USP9X: variants seen among roughly 807,000 people sequenced by gnomAD.
USP9X encodes ubiquitin specific peptidase 9 X-linked.
USP9X carries 7 observed loss-of-function variants against 190.3 expected under a neutral mutation model. That is an observed-to-expected ratio of 0.04 (90% confidence interval 0.02 to 0.07). USP9X has a LOEUF of 0.07. Among genes scored for constraint, USP9X ranks in the 10% least tolerant of loss-of-function variants. The pLI is 1.00. For missense variants in USP9X, 1,010 were observed against 1,916.9 expected (o/e 0.53, Z 8.83); for synonymous variants, 645 against 659.5 (o/e 0.98, Z 0.34).
rs185481234 is a variant in USP9X at position 41,092,933 on chromosome X, C to T, written c.-159+6824C>T. ...TGTCACTCAGGCTGGATTGTGGTGA[C>T]GCAATCATAGCTCATTGTAGCCTGG... On this transcript the variant is annotated intron_variant, in intron 1 of 44. Coordinates refer to ENST00000378308, the MANE Select transcript of USP9X (RefSeq NM_001039591.3). Among the ~76,000 whole-genome samples the T allele has an allele frequency of 4.3e-4, 48 of 110,594 alleles. No individual in the cohort carries two copies. The East Asian group carries it at 7.4e-3, about 17-fold the overall frequency.
intron 14 of USP9X, among the ~76,000 whole-genome samples, chrX:41,160,935 C>T (rs1036711454): frequency 5.4e-5 from 6 of 111,001 alleles, no homozygotes; most frequent in Non-Finnish European, 9.4e-5. Context: ...AGTGCTCCTC[C>T]GAGGGGGTGG....
chrX:41,221,536 A>G (rs1366045613), intron 38 of USP9X, among the ~76,000 whole-genome samples: 4 of 111,608 alleles, frequency 3.6e-5, no homozygotes, highest in Non-Finnish European at 7.5e-5. Flanking sequence ...TGAGCTTTCC[A>G]TCTAGAGTGT....
intron 41 of USP9X, 65 bp downstream of exon 41, chrX:41,225,202 G>T (rs770270838): frequency 2.5e-5 from 26 of 1,024,867 alleles, no homozygotes; most frequent in Non-Finnish European, 3.5e-5. Context: ...AACTGAAATT[G>T]ACAGTCACCA....
intron 14 of USP9X, 33 bp from the exon 15 acceptor site, chrX:41,162,757 G>A (rs762263252): frequency 8.8e-7 from 1 of 1,137,162 alleles, no homozygotes; most frequent in Admixed American, 2.3e-5. Flanking sequence ...GGTTATCCAT[G>A]TGTATAATGC....
intron 25 of USP9X, 22 bp from the exon 26 acceptor site, chrX:41,189,287 G>A (rs1037681771): frequency 8.4e-7 from 1 of 1,194,986 alleles, no homozygotes; most frequent in Non-Finnish European, 1.1e-6. Flanking sequence ...TGGGTAATTT[G>A]TTCTTGATTG....
chrX:41,134,490 T>TA (rs1037373785), intron 4 of USP9X, among the ~76,000 whole-genome samples: 2 of 112,590 alleles, frequency 1.8e-5, no homozygotes, highest in Non-Finnish European at 3.8e-5. Flanking sequence ...CTATTTAAAT[T>TA]TGCCTCTTCT....
chrX:41,100,654 A>T (rs998626410), intron 1 of USP9X, among the ~76,000 whole-genome samples: 5 of 111,253 alleles, frequency 4.5e-5, no homozygotes, highest in Non-Finnish European at 9.4e-5. Context: ...ATTTAAAAAA[A>T]ATTTTTTTTG....
chrX:41,144,812 C>G (rs2062451213), intron 11 of USP9X, among the ~76,000 whole-genome samples, 186 bp downstream of exon 11: 2 of 111,205 alleles, frequency 1.8e-5, no homozygotes, highest in South Asian at 7.6e-4. Context: ...TTAATAGCCC[C>G]CATAATGGAA....
chrX:41,111,350 C>G (rs929448192), intron 1 of USP9X, among the ~76,000 whole-genome samples: 1 of 111,956 alleles, frequency 8.9e-6, no homozygotes, highest in Non-Finnish European at 1.9e-5. Context: ...TGATCTTAGA[C>G]TCCCCAGCCT....
intron 26 of USP9X, 119 bp from the exon 27 acceptor site, chrX:41,196,132 A>T: frequency 1.3e-6 from 1 of 795,047 alleles, no homozygotes; most frequent in Non-Finnish European, 1.8e-6. Context: ...CTGTATCCTT[A>T]CTATTAATTT....
In USP9X at chrX:41,233,575, G is replaced by C. The variant is rs2063379570; in HGVS notation, c.*1051G>C. The C allele has an allele frequency of 1.8e-5, 2 of 111,960 alleles. No individual in the cohort carries two copies. The highest frequency in any genetic ancestry group is 3.3e-5 in the African/African-American group (1 of 30,747). The allele number at this position is 111,960 out of a possible 1,213,427, so 9.2% of individuals were successfully genotyped here. ...TCCTTCTGTTGGATCCCAGTGACGTGGAAGTCATCAGAACCCCACGGTACT... is the reference window on the plus strand; with the variant it reads ...TCCTTCTGTTGGATCCCAGTGACGTCGAAGTCATCAGAACCCCACGGTACT... On this transcript the variant is annotated 3_prime_UTR_variant, in exon 45 of 45. Transcript: ENST00000378308.
chrX:41,169,912 T>G, intron 18 of USP9X, 83 bp from the exon 19 acceptor site: 2 of 1,103,721 alleles, frequency 1.8e-6, no homozygotes, highest in African/African-American at 1.8e-5. Context: ...TACTTAGTGT[T>G]AAATCCCCAG....
chrX:41,123,125 G>A (rs1569157415), intron 1 of USP9X, among the ~76,000 whole-genome samples: 1 of 111,761 alleles, frequency 8.9e-6, no homozygotes, highest in Non-Finnish European at 1.9e-5. Flanking sequence ...CATACCTCTT[G>A]TCCTTATTCT....
rs763313977 is a variant in USP9X, at chrX:41,197,435, G to A, written c.4305G>A (p.Lys1435=). Residue 1435 remains lysine (K), a synonymous_variant, in exon 29 of 45, where the codon AAG becomes AAA. Coordinates refer to ENST00000378308, the MANE Select transcript of USP9X (RefSeq NM_001039591.3). ...TILEGHLGVT[K]ELLAFQTSEK... ...TAGAGGGCCACCTTGGAGTGACAAA[G>A]GAGTTACTGGCCTTTCAAACTTCTG... 8.5e-7 allele frequency: 1 copy of A among 1,179,618 alleles called. No homozygotes were observed. The highest frequency in any genetic ancestry group is 1.8e-5 in the South Asian group (1 of 55,986).
intron 21 of USP9X, among the ~76,000 whole-genome samples, chrX:41,174,191 G>A (rs1340769123): frequency 2.7e-5 from 3 of 111,868 alleles, no homozygotes; most frequent in Non-Finnish European, 3.8e-5. Flanking sequence ...ACTTAATGAT[G>A]CATTTCTCAG....
intron 1 of USP9X, among the ~76,000 whole-genome samples, chrX:41,105,129 G>C (rs1295810583): frequency 9.0e-6 from 1 of 111,457 alleles, no homozygotes; most frequent in African/African-American, 3.3e-5. Flanking sequence ...CTGACTTAGA[G>C]AGACAAAGCT....
chrX:41,197,874 G>C (rs1307255884), intron 29 of USP9X, among the ~76,000 whole-genome samples: 1 of 109,913 alleles, frequency 9.1e-6, no homozygotes, highest in East Asian at 2.8e-4. Context: ...ATTGCCAGGT[G>C]TGGTGGCGCA....
intron 28 of USP9X, among the ~76,000 whole-genome samples, chrX:41,196,972 T>G (rs888701242): frequency 1.8e-5 from 2 of 112,153 alleles, no homozygotes; most frequent in Non-Finnish European, 3.8e-5. Context: ...ATGTTCAGCT[T>G]CTTTTATTTT....
intron 1 of USP9X, among the ~76,000 whole-genome samples, chrX:41,103,065 A>G (rs2062046054): frequency 8.9e-6 from 1 of 112,650 alleles, no homozygotes; most frequent in Non-Finnish European, 1.9e-5. Flanking sequence ...AAGTGCTGGG[A>G]TTACAGGCTT....
Sources: allele counts gnomAD v4.1 joint callset (sites outside exome capture counted in the v4.1 genomes callset), GRCh38; gene constraint gnomAD v4.1.1; transcripts MANE v1.5; gene names NCBI Gene and HGNC (gene_info 2026-07-23, HGNC 2026-07-21).